Variants in SQSTM1 observed in about 807,000 individuals in gnomAD.
The protein encoded by SQSTM1 is sequestosome-1.
In SQSTM1, 36 loss-of-function variants were observed where a neutral mutation model predicts 45.1. The ratio of observed to expected loss-of-function variants is 0.80; its 90% CI spans 0.61 to 1.05. The LOEUF is 1.05. SQSTM1 is among the 50% of genes least tolerant of loss of function. The probability of loss-of-function intolerance (pLI) is 0.00; values close to 1 mark genes in which losing one functional copy is unlikely to be tolerated. For synonymous variants in SQSTM1, 290 were observed against 244.3 expected (o/e 1.19, Z -1.74); for missense variants, 617 against 607.1 (o/e 1.02, Z -0.17).
At chr5:179,814,031 T>G (rs1757510253), upstream of SQSTM1, among the ~76,000 whole-genome samples, 1 of 152,206 alleles carries the variant, frequency 6.6e-6, no homozygotes, top group Admixed American at 6.5e-5. Context: ...GGTGGTGGCG[T>G]GAGCCTGTAG....
upstream of SQSTM1, chr5:179,820,887 G>C (rs1185843692): frequency 2.1e-6 from 3 of 1,427,720 alleles, no homozygotes; most frequent in Admixed American, 2.5e-5. Flanking sequence ...CAAAAGCCGC[G>C]CGGCGGCTGC....
At chr5:179,810,189 T>C (rs1490719827) in intron 1 of SQSTM1, among the ~76,000 whole-genome samples, 1 of 152,196 alleles carries the variant, frequency 6.6e-6, no homozygotes, top group Non-Finnish European at 1.5e-5. Flanking sequence ...TACATATGTA[T>C]ACATGTGCCC....
chr5:179,806,693 C>G lies in SQSTM1; in HGVS notation c.-157+102C>G, dbSNP rs1391794617. ...GCGGCGGCGGCGGCAGGGGCCCCGG[C>G]CCCGGGTCGGGGAGGGGCGGGGGGC... On this transcript the variant is annotated intron_variant, in intron 1 of 5. Transcript: ENST00000514093. The surrounding 1 kb of genome is among the most constrained non-coding windows in gnomAD (Gnocchi z 4.6). 3.3e-6 allele frequency: 1 copy of G among 301,844 alleles called. No individual in the cohort carries two copies. The highest frequency in any genetic ancestry group is 4.8e-6 in the Non-Finnish European group (1 of 208,986). 18.7% of individuals were successfully genotyped at this position (301,844 alleles called of 1,614,324 possible).
At chr5:179,823,786 C>A in intron 2 of SQSTM1, 72 bp from the exon 3 acceptor site, 2 of 1,526,620 alleles carry the variant, frequency 1.3e-6, no homozygotes, top group Non-Finnish European at 1.8e-6. Flanking sequence ...GCAGTGACAG[C>A]CCCACAGTGA....
upstream of SQSTM1, among the ~76,000 whole-genome samples, chr5:179,814,585 A>G (rs1231183557): frequency 6.6e-6 from 1 of 152,244 alleles, no homozygotes; most frequent in Admixed American, 6.5e-5. Context: ...GGCTACAGGC[A>G]TAACCATGTG....
chr5:179,831,539 A>G (rs377581907), intron 5 of SQSTM1, among the ~76,000 whole-genome samples: 19 of 152,002 alleles, frequency 1.2e-4, no homozygotes, highest in African/African-American at 4.1e-4. Flanking sequence ...GCACGTGCCT[A>G]TAGTCCCAGC....
intron 7 of SQSTM1, among the ~76,000 whole-genome samples, chr5:179,834,433 A>T (rs1442262827): frequency 9.2e-6 from 1 of 109,240 alleles, no homozygotes; most frequent in East Asian, 2.9e-4. Flanking sequence ...ATTTATTTTT[A>T]TTGATCATTC....
chr5:179,810,380 G>C lies in SQSTM1; in HGVS notation c.-156-1194G>C, dbSNP rs888845865. ...GAGAACATGCGGTGTTTGGTTTTCTGTCCTTGTGATAGTTTGCTCAGAATG... is the reference window on the plus strand; with the variant it reads ...GAGAACATGCGGTGTTTGGTTTTCTCTCCTTGTGATAGTTTGCTCAGAATG... On this transcript the variant is annotated intron_variant, in intron 1 of 5. Coordinates refer to the SQSTM1 transcript ENST00000514093. Among the ~76,000 whole-genome samples, 69 of 152,084 alleles carry C rather than the reference G, an allele frequency of 4.5e-4. 1 individual carries two copies. The highest frequency in any genetic ancestry group is 1.6e-3 in the African/African-American group (68 of 41,470).
chr5:179,811,438 G>T (rs1371952701), intron 1 of SQSTM1: 2 of 151,616 alleles, frequency 1.3e-5, no homozygotes, highest in Non-Finnish European at 2.9e-5. Flanking sequence ...TTGGTCTCAT[G>T]TTCGGGGTGG....
upstream of SQSTM1, among the ~76,000 whole-genome samples, chr5:179,813,901 T>G (rs1430699138): frequency 6.6e-6 from 1 of 152,198 alleles, no homozygotes; most frequent in African/African-American, 2.4e-5. Context: ...GTCACAAAAC[T>G]AGCATATTAT....
rs1758311385 is a variant in SQSTM1 at position 179,833,043 on chromosome 5, G to C, written c.766G>C (p.Asp256His). 1 of 1,614,024 alleles carries C rather than the reference G, an allele frequency of 6.2e-7. No individual in the cohort carries two copies. The highest frequency in any genetic ancestry group is 8.5e-7 in the Non-Finnish European group (1 of 1,180,024). ...AALSPLGIEV[D>H]IDVEHGGKRS... Reference sequence around the variant, plus strand: ...TCCTCCGCCTCTAGGCATTGAAGTTGATATCGATGTGGAGCACGGAGGGAA... The same window carrying C: ...TCCTCCGCCTCTAGGCATTGAAGTTCATATCGATGTGGAGCACGGAGGGAA... The change falls in exon 6 of 8, where the codon GAT becomes CAT. Residue 256 changes from aspartate to histidine, a missense_variant. By Grantham distance (81) the Asp-to-His change is moderately conservative (BLOSUM62 -1). Coordinates refer to ENST00000389805, the MANE Select transcript of SQSTM1 (RefSeq NM_003900.5).
At chr5:179,827,643 G>A (rs115936031) in intron 5 of SQSTM1, among the ~76,000 whole-genome samples, 2,625 of 152,328 alleles carry the variant, frequency 0.017, 97 homozygotes, top group African/African-American at 0.061. Context: ...TGCTTTCTCC[G>A]AACTAGGGAG....
chr5:179,831,526 G>A (rs1196888103), intron 5 of SQSTM1, among the ~76,000 whole-genome samples: 8 of 152,040 alleles, frequency 5.3e-5, no homozygotes, highest in African/African-American at 1.4e-4. Context: ...GCTGGGCGTG[G>A]TGGCACGTGC....
At chr5:179,817,479 G>A (rs1757619882), upstream of SQSTM1, among the ~76,000 whole-genome samples, 1 of 152,214 alleles carries the variant, frequency 6.6e-6, no homozygotes, top group Non-Finnish European at 1.5e-5. Context: ...GAATTTATTT[G>A]GAGAAATTCG....
Position 179,837,512 on chromosome 5 carries a change from G to A in SQSTM1, c.*919G>A, listed in dbSNP as rs1406799489. On this transcript the variant is annotated 3_prime_UTR_variant, in exon 8 of 8. Coordinates refer to ENST00000389805, the MANE Select transcript of SQSTM1 (RefSeq NM_003900.5). The stretch of plus-strand genomic sequence containing the variant: ...TGCCCAGGGAGTCCTTGCGTCCCAT[G>A]AGGTCTTCCCGCAAGGCCTCTCAGA... The A allele has an allele frequency of 4.3e-6, 7 of 1,614,230 alleles. No individual in the cohort carries two copies. The highest frequency in any genetic ancestry group is 5.9e-6 in the Non-Finnish European group (7 of 1,180,034).
rs1378204039 is a variant in SQSTM1 at position 179,823,877 on chromosome 5, G to A, written c.321G>A (p.Arg107=). 10 of 1,612,558 alleles carry A rather than the reference G, an allele frequency of 6.2e-6. No individual in the cohort carries two copies. The Admixed American group carries it at 6.7e-5, about 11-fold the overall frequency. Reference sequence around the variant, plus strand: ...CTGTAGAGAAAAAAGAGTGCCGGCGGGACCACCGCCCACCGTGTGCTCAGG... The same window carrying A: ...CTGTAGAGAAAAAAGAGTGCCGGCGAGACCACCGCCCACCGTGTGCTCAGG... ...IYIKEKKECR[R]DHRPPCAQEA... Residue 107 remains arginine, a synonymous_variant, in exon 3 of 8, where the codon CGG becomes CGA. Coordinates refer to ENST00000389805, the MANE Select transcript of SQSTM1 (RefSeq NM_003900.5).
At chr5:179,835,480 T>A (rs1480622032) in intron 7 of SQSTM1, 1 of 156,980 alleles carries the variant, frequency 6.4e-6, no homozygotes, top group African/African-American at 2.4e-5. Flanking sequence ...GGTTAGGAGC[T>A]GGAGACCAGC....
chr5:179,836,770 T>A lies in SQSTM1; in HGVS notation c.*177T>A. On this transcript the variant is annotated 3_prime_UTR_variant, in exon 8 of 8. Transcript: ENST00000389805. ...AAGTGACATGAAGGGAGGGTCCCTG[T>A]GTGTGTGTGTGCTGATGTTTCCTGG... 1 of 925,034 alleles carries A rather than the reference T, an allele frequency of 1.1e-6. No homozygotes were observed. The highest frequency in any genetic ancestry group is 1.7e-6 in the Non-Finnish European group (1 of 588,470). 57.3% of individuals were successfully genotyped at this position (925,034 alleles called of 1,614,324 possible).
chr5:179,824,392 G>C (rs773735627), intron 4 of SQSTM1, 69 bp downstream of exon 4: 4 of 1,609,192 alleles, frequency 2.5e-6, no homozygotes, highest in Non-Finnish European at 3.4e-6. Flanking sequence ...CAGGGCCCTT[G>C]TGCAAAGCGT....
Sources: allele counts gnomAD v4.1 joint callset (sites outside exome capture counted in the v4.1 genomes callset), GRCh38; gene constraint gnomAD v4.1.1; non-coding constraint Gnocchi (gnomAD v3.1); transcripts MANE v1.5; gene names NCBI Gene and HGNC (gene_info 2026-07-23, HGNC 2026-07-21).